The following SYT1 variants were observed in gnomAD, a reference collection of about 807,000 sequenced individuals.
SYT1 encodes synaptotagmin 1.
SYT1 carries 8 observed loss-of-function variants against 44.8 expected under a neutral mutation model. The ratio of observed to expected loss-of-function variants is 0.18; its 90% CI spans 0.10 to 0.32. The LOEUF is 0.32. Ranked by LOEUF, SYT1 falls within the 10% of genes least tolerant of loss-of-function variation. SYT1 has a pLI of 1.00. For synonymous variants in SYT1, 154 were observed against 188.8 expected (o/e 0.82, Z 1.51); for missense variants, 286 against 509.3 (o/e 0.56, Z 4.22).
intron 4 of SYT1, among the ~76,000 whole-genome samples, chr12:79,218,954 G>A (rs1024491193): frequency 2.0e-5 from 3 of 152,076 alleles, no homozygotes; most frequent in African/African-American, 7.2e-5. Context: ...TTTCCATAGT[G>A]GTTGTAGTAA....
chr12:79,271,009 C>G (rs1338648097), intron 4 of SYT1, among the ~76,000 whole-genome samples: 1 of 152,162 alleles, frequency 6.6e-6, no homozygotes, highest in East Asian at 1.9e-4. Context: ...GGCTCCTCCC[C>G]AATTGTTCAT....
chr12:79,299,372 C>G lies in SYT1; in HGVS notation c.643-12C>G, dbSNP rs1283090905. On this transcript the variant is annotated splice_polypyrimidine_tract_variant and intron_variant, in intron 7 of 10. Coordinates refer to ENST00000261205, the MANE Select transcript of SYT1 (RefSeq NM_005639.3). ...GTGACTGGATATTTTATCCTCATGT[C>G]TTTTAATTTAGGTACCATACTCGGA... 6.2e-7 allele frequency: 1 copy of G among 1,611,498 alleles called. No individual in the cohort carries two copies. The highest frequency in any genetic ancestry group is 8.5e-7 in the Non-Finnish European group (1 of 1,178,842).
At chr12:79,213,924 A>G (rs889310088) in intron 3 of SYT1, among the ~76,000 whole-genome samples, 2 of 152,230 alleles carry the variant, frequency 1.3e-5, no homozygotes, top group Admixed American at 1.3e-4. Flanking sequence ...TGTGTCTCAA[A>G]AAAATAAAAA....
At chr12:78,945,468 CTATA>C (rs35939696) in intron 1 of SYT1, among the ~76,000 whole-genome samples, 15,060 of 146,180 alleles carry the variant, frequency 0.1, 1,006 homozygotes, top group East Asian at 0.3. Context: ...TTATGTGTGT[CTATA>C]TATATATATA....
chr12:79,285,443 A>G (rs1179823593), intron 4 of SYT1, among the ~76,000 whole-genome samples: 1 of 152,198 alleles, frequency 6.6e-6, no homozygotes, highest in East Asian at 1.9e-4. Flanking sequence ...TCACACAGCT[A>G]GTAAATGGTG....
intron 2 of SYT1, among the ~76,000 whole-genome samples, chr12:79,026,702 T>TATATATATATATATATATATATAAAA (rs34140383): frequency 3.5e-4 from 44 of 125,296 alleles, no homozygotes; most frequent in East Asian, 1.3e-3. Context: ...TATATATATA[T>TATATATATATATATATATATATAAAA]CACACTTTCA....
intron 1 of SYT1, among the ~76,000 whole-genome samples, chr12:78,946,033 T>C (rs1365640078): frequency 6.6e-6 from 1 of 152,158 alleles, no homozygotes; most frequent in Non-Finnish European, 1.5e-5. Context: ...AGCAGTAACA[T>C]CCATGAGAAA....
chr12:79,137,349 A>G lies in SYT1; in HGVS notation c.-17-80154A>G, dbSNP rs191395076. On this transcript the variant is annotated intron_variant, in intron 3 of 10. Coordinates refer to ENST00000261205, the MANE Select transcript of SYT1 (RefSeq NM_005639.3). Reference sequence around the variant, plus strand: ...GGCCTCAGGTGATCCATCCACCCCAACCTCCCAAAGTGCTGGGATTACAGG... The same window carrying G: ...GGCCTCAGGTGATCCATCCACCCCAGCCTCCCAAAGTGCTGGGATTACAGG... Among the ~76,000 whole-genome samples the G allele has an allele frequency of 8.6e-4, 130 of 151,818 alleles. No individual in the cohort carries two copies. In the Middle Eastern group the frequency reaches 0.017, roughly 20 times the overall value.
chr12:79,429,905 T>A (rs1379344175), intron 9 of SYT1, among the ~76,000 whole-genome samples: 1 of 152,244 alleles, frequency 6.6e-6, no homozygotes, highest in Middle Eastern at 3.2e-3. Flanking sequence ...TTCCATTTCA[T>A]TTAAACCATC....
chr12:78,985,110 T>G (rs1272427732), intron 2 of SYT1, among the ~76,000 whole-genome samples: 1 of 151,932 alleles, frequency 6.6e-6, no homozygotes, highest in Admixed American at 6.6e-5. Context: ...AATGCAATAT[T>G]CTGAGAAGAG....
At chr12:79,282,704 C>T (rs554097663) in intron 4 of SYT1, among the ~76,000 whole-genome samples, 4 of 152,224 alleles carry the variant, frequency 2.6e-5, no homozygotes, top group East Asian at 1.9e-4. Context: ...TCTCCGTATA[C>T]ATTTTTAATA....
At chr12:79,074,311 C>T (rs1168050670) in intron 3 of SYT1, among the ~76,000 whole-genome samples, 3 of 152,094 alleles carry the variant, frequency 2.0e-5, no homozygotes, top group Non-Finnish European at 4.4e-5. Flanking sequence ...GTCTACATGG[C>T]CCCAACATGT....
chr12:79,039,970 G>A (rs1405796878), intron 2 of SYT1, among the ~76,000 whole-genome samples: 1 of 147,598 alleles, frequency 6.8e-6, no homozygotes, highest in Non-Finnish European at 1.5e-5. Context: ...TTTTATGGCT[G>A]CATAGTATTC....
At chr12:79,055,381 T>A (rs2137814266) in intron 3 of SYT1, among the ~76,000 whole-genome samples, 1 of 152,142 alleles carries the variant, frequency 6.6e-6, no homozygotes, top group Non-Finnish European at 1.5e-5. Context: ...GTGGAAATTA[T>A]TTAACCAGCA....
At chr12:79,346,692 T>G (rs1172412724) in intron 8 of SYT1, among the ~76,000 whole-genome samples, 2 of 152,110 alleles carry the variant, frequency 1.3e-5, no homozygotes, top group Non-Finnish European at 2.9e-5. Context: ...AAGGAGGAGC[T>G]CCAAACAAAA....
At chr12:78,907,133 A>G (rs1367121898) in intron 1 of SYT1, among the ~76,000 whole-genome samples, 27 of 151,960 alleles carry the variant, frequency 1.8e-4, no homozygotes, top group Admixed American at 1.8e-3. Context: ...TTATAAAATC[A>G]CCTTAAAACA....
At chr12:79,195,633 GT>G (rs1399344175) in intron 3 of SYT1, among the ~76,000 whole-genome samples, 7 of 152,232 alleles carry the variant, frequency 4.6e-5, no homozygotes, top group African/African-American at 1.4e-4. Flanking sequence ...TCATCATCAG[GT>G]TTTGGGACTG....
chr12:79,116,363 T>C (rs1002360449), intron 3 of SYT1, among the ~76,000 whole-genome samples: 1 of 152,176 alleles, frequency 6.6e-6, no homozygotes, highest in African/African-American at 2.4e-5. Flanking sequence ...GGTTTTACAC[T>C]GGCAGGGATG....
rs186812784 is a variant in SYT1 at position 79,200,142 on chromosome 12, A to T, written c.-17-17361A>T. The stretch of plus-strand genomic sequence containing the variant: ...GGTGAAGGACATAAAATTCTGTGCA[A>T]CAAGAAAGTACCTTAACAAATCAGA... On this transcript the variant is annotated intron_variant, in intron 3 of 10. Transcript: ENST00000261205. 1.3e-3 allele frequency among the ~76,000 whole-genome samples: 192 copies of T among 152,292 alleles called. 2 individuals carry two copies. The highest frequency in any genetic ancestry group is 3.3e-3 in the Admixed American group (51 of 15,278).
Sources: allele counts gnomAD v4.1 joint callset (sites outside exome capture counted in the v4.1 genomes callset), GRCh38; gene constraint gnomAD v4.1.1; transcripts MANE v1.5; gene names NCBI Gene and HGNC (gene_info 2026-07-23, HGNC 2026-07-21).